EIF4G1: variants seen among roughly 807,000 people sequenced by gnomAD.
EIF4G1 encodes eukaryotic translation initiation factor 4 gamma 1.
In EIF4G1, 4 loss-of-function variants were observed where a neutral mutation model predicts 187.8. That is an observed-to-expected ratio of 0.02 (90% CI 0.01 to 0.05). The LOEUF is 0.05. EIF4G1 is among the 10% of genes least tolerant of loss of function. The pLI, the probability that EIF4G1 is intolerant of heterozygous loss-of-function variation, is 1.00. For synonymous variants in EIF4G1, 844 were observed against 781.4 expected (o/e 1.08, Z -1.34); for missense variants, 1,647 against 2,081.1 (o/e 0.79, Z 4.06).
chr3:184,317,879 G>C, intron 6 of EIF4G1, 63 bp downstream of exon 6: 1 of 1,249,226 alleles, frequency 8.0e-7, no homozygotes, highest in African/African-American at 1.5e-5. Flanking sequence ...CTCATCTGCT[G>C]ATTTCTAAAG....
chr3:184,316,598 C>T (rs372430568), intron 4 of EIF4G1: 49 of 1,024,822 alleles, frequency 4.8e-5, no homozygotes, highest in East Asian at 3.4e-4. Context: ...CTCTGTTCCC[C>T]AGCTTCTTCC....
At chr3:184,333,889 C>T (rs1273455042) in intron 32 of EIF4G1, among the ~76,000 whole-genome samples, 9 of 151,956 alleles carry the variant, frequency 5.9e-5, no homozygotes, top group Admixed American at 5.9e-4. Context: ...AGTGTAGGTA[C>T]GGGTTAAGTG....
At chr3:184,315,625 C>T (rs1289540707) in intron 2 of EIF4G1, 80 bp downstream of exon 2, 4 of 774,244 alleles carry the variant, frequency 5.2e-6, no homozygotes, top group Non-Finnish European at 9.4e-6. Context: ...TGGGGACAGG[C>T]TGTATCTTTT....
intron 6 of EIF4G1, among the ~76,000 whole-genome samples, chr3:184,318,183 G>C (rs575714182): frequency 3.3e-5 from 5 of 152,264 alleles, no homozygotes; most frequent in African/African-American, 1.2e-4. Context: ...GGATTAGTCT[G>C]TTCTTTATGG....
intron 9 of EIF4G1, 65 bp downstream of exon 9, chr3:184,321,058 T>G: frequency 6.3e-7 from 1 of 1,579,380 alleles, no homozygotes; most frequent in Non-Finnish European, 8.6e-7. Context: ...AATGCTGAGG[T>G]GGTGGAGTGA....
In EIF4G1 at chr3:184,326,941, C is replaced by T. The variant is rs761411054; in HGVS notation, c.3386C>T (p.Ala1129Val). Residue 1129 changes from alanine (A) to valine (V), a missense_variant, in exon 23 of 33, where the codon GCG becomes GTG. Ala to Val is a moderately conservative substitution (Grantham distance 64, BLOSUM62 0). Around this residue, in one of 11 missense-constraint regions of EIF4G1, gnomAD observed 543 missense variants for 638.0 expected, o/e 0.85. Transcript: ENST00000346169. ...AATCGCTTCTCAGCCCTTCAACAAG[C>T]GGTACCCACAGAAAGCACAGATAAT... The part of the protein sequence containing the change: ...TLNRFSALQQ[A>V]VPTESTDNRR... The T allele has an allele frequency of 1.1e-5, 17 of 1,614,074 alleles. No individual in the cohort carries two copies. Among genetic ancestry groups the T allele is most frequent in the South Asian group, 3.3e-5 (3 of 91,088 alleles).
chr3:184,329,088 G>A (rs1725524772), intron 28 of EIF4G1, 98 bp downstream of exon 28: 1 of 1,399,800 alleles, frequency 7.1e-7, no homozygotes, highest in East Asian at 2.3e-5. Flanking sequence ...GGAGTGGAGT[G>A]ATGGTGATGA....
rs369679218 is a variant in EIF4G1 at position 184,331,587 on chromosome 3, G to A, written c.4376G>A (p.Arg1459Gln). The A allele has an allele frequency of 3.1e-6, 5 of 1,613,188 alleles. No homozygotes were observed. The highest frequency in any genetic ancestry group is 3.4e-6 in the Non-Finnish European group (4 of 1,179,806). Residue 1459 changes from arginine to glutamine, a missense_variant, in exon 30 of 33, where the codon CGG becomes CAG. Around this residue, in one of 11 missense-constraint regions of EIF4G1, gnomAD observed 543 missense variants for 638.0 expected, o/e 0.85. Transcript: ENST00000346169. Reference protein sequence around the residue: ...KLLKEGSSNQRVFDWIEANLS... With the variant: ...KLLKEGSSNQQVFDWIEANLS... ...CTGAAGGAGGGCAGCAGTAACCAGC[G>A]GGTGTTCGACTGGATAGAGGTAGGT...
chr3:184,321,173 A>T, intron 9 of EIF4G1, 109 bp from the exon 10 acceptor site: 1 of 1,522,606 alleles, frequency 6.6e-7, no homozygotes, highest in South Asian at 1.1e-5. Flanking sequence ...GGTGGGGAGA[A>T]GATGATGCGG....
In EIF4G1 at chr3:184,334,599, G is replaced by C. The variant is rs1388817054; in HGVS notation, c.4619-128G>C. The C allele has an allele frequency of 1.8e-6, 2 of 1,090,404 alleles. No individual in the cohort carries two copies. The highest frequency in any genetic ancestry group is 2.8e-6 in the Non-Finnish European group (2 of 726,488). The allele number at this position is 1,090,404 out of a possible 1,614,324, so 67.5% of individuals were successfully genotyped here. ...TCCTGTCAGAGGCCTAGTCACTCTGGAATGGCCACAAATGTCAGGCTGGTG... is the reference window on the plus strand; with the variant it reads ...TCCTGTCAGAGGCCTAGTCACTCTGCAATGGCCACAAATGTCAGGCTGGTG... On this transcript the variant is annotated intron_variant, in intron 32 of 32. Coordinates refer to ENST00000346169, the MANE Select transcript of EIF4G1 (RefSeq NM_198241.3). The surrounding 1 kb of genome is among the most constrained non-coding windows in gnomAD (Gnocchi z 5.8).
intron 28 of EIF4G1, among the ~76,000 whole-genome samples, chr3:184,330,511 G>GA (rs1164722176): frequency 6.6e-6 from 1 of 152,188 alleles, no homozygotes; most frequent in Non-Finnish European, 1.5e-5. Context: ...ATAAAGAAAA[G>GA]AGTGATGTCT....
Position 184,321,288 on chromosome 3 carries a change from G to A in EIF4G1, c.704G>A (p.Arg235Gln), listed in dbSNP as rs144543953. The A allele has an allele frequency of 3.7e-6, 6 of 1,614,056 alleles. No individual in the cohort carries two copies. The highest frequency in any genetic ancestry group is 1.1e-5 in the South Asian group (1 of 91,056). The change falls in exon 10 of 33, where the codon CGG becomes CAG. Residue 235 changes from arginine to glutamine, a missense_variant. By Grantham distance (43) the Arg-to-Gln change is conservative. This residue lies in a region of EIF4G1 where 522 missense variants were observed against 485.2 expected (regional missense o/e 1.08). Transcript: ENST00000346169. ...CTTCCTTCCTATGGTGCAGATGACC[G>A]GTCACAGGGAGCAATCATTGCTGAC... ...QVAVIVRPDD[R>Q]SQGAIIADRP...
In EIF4G1 at chr3:184,315,759, A is replaced by G. The variant is rs916646564; in HGVS notation, c.-34-4A>G. The G allele has an allele frequency of 4.5e-6, 7 of 1,550,152 alleles. No homozygotes were observed. Among genetic ancestry groups the G allele is most frequent in the East Asian group, 4.9e-5 (2 of 40,914 alleles). ...TCTTCCTGAGCGCCACTCTTTCCCA[A>G]CAGGTGCTGGGGGGACCCTGATGTG... On this transcript the variant is annotated splice_polypyrimidine_tract_variant and splice_region_variant and intron_variant, in intron 2 of 32. Coordinates refer to ENST00000346169, the MANE Select transcript of EIF4G1 (RefSeq NM_198241.3).
rs774457232 is a variant in EIF4G1 at position 184,331,303 on chromosome 3, G to A, written c.4199G>A (p.Gly1400Glu). The part of the protein sequence containing the change: ...KKVGTLWREA[G>E]LSWKEFLPEG... Reference sequence around the variant, plus strand: ...GTGGGGACGCTGTGGCGAGAAGCCGGGCTTAGCTGGAAGGAATTTCTACCT... The same window carrying A: ...GTGGGGACGCTGTGGCGAGAAGCCGAGCTTAGCTGGAAGGAATTTCTACCT... Residue 1400 changes from glycine (G) to glutamate (E), a missense_variant, in exon 29 of 33, where the codon GGG becomes GAG. This residue lies in a region of EIF4G1 where 543 missense variants were observed against 638.0 expected (regional missense o/e 0.85). Transcript: ENST00000346169. 1 of 1,614,180 alleles carries A rather than the reference G, an allele frequency of 6.2e-7. No homozygotes were observed.
In EIF4G1 at chr3:184,331,252, C is replaced by T. The variant is rs1192362711; in HGVS notation, c.4162-14C>T. Reference sequence around the variant, plus strand: ...GAGAGCTTTGGTAAGCTGGGTTGGTCTTGTGTTTTCCAGGGTCCTAAAAAG... The same window carrying T: ...GAGAGCTTTGGTAAGCTGGGTTGGTTTTGTGTTTTCCAGGGTCCTAAAAAG... On this transcript the variant is annotated splice_polypyrimidine_tract_variant and intron_variant, in intron 28 of 32. Transcript: ENST00000346169. The T allele has an allele frequency of 6.2e-7, 1 of 1,613,998 alleles. No individual in the cohort carries two copies. Among genetic ancestry groups the T allele is most frequent in the East Asian group, 2.2e-5 (1 of 44,882 alleles).
intron 28 of EIF4G1, among the ~76,000 whole-genome samples, chr3:184,329,808 GA>G (rs2108513127): frequency 6.6e-6 from 1 of 152,282 alleles, no homozygotes; most frequent in South Asian, 2.1e-4. Flanking sequence ...GGTAACTAGC[GA>G]ATATAAAGGT....
chr3:184,331,872 G>A, intron 31 of EIF4G1, 63 bp downstream of exon 31: 1 of 1,613,810 alleles, frequency 6.2e-7, no homozygotes, highest in Non-Finnish European at 8.5e-7. Context: ...GAGGGAGGTG[G>A]GTGTCAGCCT....
chr3:184,328,034 T>A, intron 26 of EIF4G1, 32 bp downstream of exon 26: 1 of 1,598,414 alleles, frequency 6.3e-7, no homozygotes, highest in Non-Finnish European at 8.5e-7. Context: ...CTCCCACTTA[T>A]ACAGACCCAC....
At chr3:184,320,588 C>T (rs1038105139) in intron 7 of EIF4G1, 42 bp from the exon 8 acceptor site, 1 of 1,613,782 alleles carries the variant, frequency 6.2e-7, no homozygotes, top group African/African-American at 1.3e-5. Flanking sequence ...GAGAGGTGGG[C>T]TCTTCCTGCT....
Sources: gnomAD v4.1 joint callset for allele counts (sites outside exome capture counted in the v4.1 genomes callset) on GRCh38, gnomAD v4.1.1 for gene constraint, gnomAD v4.1.1 regional missense constraint, Gnocchi (gnomAD v3.1) non-coding constraint, MANE v1.5 for transcripts, NCBI Gene and HGNC (gene_info 2026-07-23, HGNC 2026-07-21) for gene names.